Variants in COPB1 observed in about 807,000 individuals in gnomAD.
COPB1 encodes the protein coatomer subunit beta.
A neutral mutation model predicts 108.7 loss-of-function variants in COPB1; 21 were observed. The ratio of observed to expected loss-of-function variants is 0.19; its 90% CI spans 0.14 to 0.28. COPB1 has a LOEUF of 0.28. COPB1 is among the 10% of genes least tolerant of loss of function. The probability of loss-of-function intolerance (pLI) is 1.00; values close to 1 mark genes in which losing one functional copy is unlikely to be tolerated. For synonymous variants in COPB1, 378 were observed against 386.8 expected, an observed-to-expected ratio of 0.98 and a Z score of 0.27; for missense variants, 919 against 1,141.3, an observed-to-expected ratio of 0.81 and a Z score of 2.81.
Position 14,469,011 on chromosome 11 carries a change from C to T in COPB1, c.1966-151G>A, listed in dbSNP as rs893177385. 9.9e-6 allele frequency: 7 copies of T among 704,460 alleles called. No homozygotes were observed. The South Asian group carries it at 1.3e-4, about 13-fold the overall frequency. 43.6% of individuals were successfully genotyped at this position (704,460 alleles called of 1,614,324 possible). ...GCACTTTTCTTTTCTTTTTTTTCTT[C>T]CTGAGACAGGCTGTTACTCTGTTGC... On this transcript the variant is annotated intron_variant, in intron 15 of 21. Coordinates refer to ENST00000439561, the MANE Select transcript of COPB1 (RefSeq NM_001144061.2).
At position 14,458,512 on chromosome 11, in the gene COPB1, A is replaced by T. The variant is rs756898748; in HGVS notation, c.2802+20T>A. The T allele has an allele frequency of 6.6e-7, 1 of 1,521,386 alleles. No homozygotes were observed. The highest frequency in any genetic ancestry group is 1.3e-5 in the South Asian group (1 of 79,214). 94.2% of individuals were successfully genotyped at this position (1,521,386 alleles called of 1,614,324 possible). A position where few individuals can be genotyped will look rare whatever the true frequency, so the allele number is the denominator to read the frequency against. On this transcript the variant is annotated intron_variant, in intron 21 of 21. Transcript: ENST00000439561. ...CCTTTGTCAGTCCAGAGATACTCTC[A>T]AAAAAAAAGGAACTGTTACCTGGCT...
In COPB1 at chr11:14,490,670, T is replaced by C. The variant is rs1357212856; in HGVS notation, c.501A>G (p.Glu167=). ...GTTCAGGAGCATCAGGTATAAGATG[T>C]TCAAAATTTCTTTAAATAAAACAGG... ...LAIYTIYRNF[E]HLIPDAPELI... Residue 167 remains glutamate, a synonymous_variant, in exon 5 of 22, where the codon GAA becomes GAG. Coordinates refer to ENST00000439561, the MANE Select transcript of COPB1 (RefSeq NM_001144061.2). 6.3e-7 allele frequency: 1 copy of C among 1,592,924 alleles called. No individual in the cohort carries two copies. The highest frequency in any genetic ancestry group is 8.6e-7 in the Non-Finnish European group (1 of 1,168,784).
In COPB1 at chr11:14,464,919, C is replaced by T. The variant is rs1850247990; in HGVS notation, c.2402G>A (p.Gly801Asp). 1 of 1,612,682 alleles carries T rather than the reference C, an allele frequency of 6.2e-7. No individual in the cohort carries two copies. The highest frequency in any genetic ancestry group is 1.3e-5 in the African/African-American group (1 of 74,878). The change falls in exon 18 of 22, where the codon GGT becomes GAT. Residue 801 changes from glycine to aspartate, a missense_variant. Physicochemically the swap from Gly to Asp is moderately conservative, Grantham distance 94 (BLOSUM62 -1). Coordinates refer to ENST00000439561, the MANE Select transcript of COPB1 (RefSeq NM_001144061.2). ...ATAAAACAGCACCTTACCTATATTA[C>T]CAAAAATTATTCCATTTTCTGTTGA... ...VASTENGIIFGNIVYDVSGAA... is the reference protein window; with the variant it reads ...VASTENGIIFDNIVYDVSGAA...
chr11:14,463,778 TAAAC>T (rs1322855037), intron 18 of COPB1, among the ~76,000 whole-genome samples: 2 of 152,174 alleles, frequency 1.3e-5, no homozygotes, highest in Non-Finnish European at 2.9e-5. Context: ...GATGATGACA[TAAAC>T]AACCCAATAA....
At chr11:14,483,442 G>A (rs1197164778) in intron 7 of COPB1, among the ~76,000 whole-genome samples, 1 of 151,976 alleles carries the variant, frequency 6.6e-6, no homozygotes, top group East Asian at 1.9e-4. Flanking sequence ...CTTACTAACA[G>A]CCAAAATTTA....
At chr11:14,481,397 G>T (rs931410610) in intron 8 of COPB1, among the ~76,000 whole-genome samples, 9 of 152,168 alleles carry the variant, frequency 5.9e-5, no homozygotes, top group African/African-American at 2.2e-4. Context: ...AACAACGTAA[G>T]AAAGTAGCCA....
intron 19 of COPB1, among the ~76,000 whole-genome samples, chr11:14,460,793 C>A (rs966765929): frequency 3.3e-5 from 5 of 152,096 alleles, no homozygotes; most frequent in African/African-American, 1.2e-4. Context: ...CACGAGCTAC[C>A]GTGCCCAGCC....
chr11:14,477,208 C>G (rs1226865773), intron 11 of COPB1, among the ~76,000 whole-genome samples, 193 bp from the exon 12 acceptor site: 2 of 150,612 alleles, frequency 1.3e-5, no homozygotes, highest in Non-Finnish European at 3.0e-5. Flanking sequence ...ATGGTGAAAT[C>G]ACGTCTCTAC....
intron 14 of COPB1, among the ~76,000 whole-genome samples, chr11:14,471,778 C>T (rs1850408423): frequency 6.6e-6 from 1 of 152,050 alleles, no homozygotes; most frequent in South Asian, 2.1e-4. Flanking sequence ...AAAAATTAGA[C>T]AGGCGTGGTG....
chr11:14,493,817 ATAAAAATTAAAAT>A lies in COPB1; in HGVS notation c.322-19_322-7del. The A allele has an allele frequency of 6.5e-7, 1 of 1,548,702 alleles. No homozygotes were observed. Among genetic ancestry groups the A allele is most frequent in the Non-Finnish European group, 8.7e-7 (1 of 1,148,582 alleles). Reference sequence around the variant, plus strand: ...TCATTAGGATGTTGAAGATCCTGATATAAAAATTAAAATATGAAATGCTGAGTTTCAGCTTTTT... The same window carrying A: ...TCATTAGGATGTTGAAGATCCTGATAATGAAATGCTGAGTTTCAGCTTTTT... On this transcript the variant is annotated splice_region_variant and splice_polypyrimidine_tract_variant and intron_variant, in intron 3 of 21. Transcript: ENST00000439561.
At chr11:14,478,548 G>T (rs1008734676) in intron 11 of COPB1, among the ~76,000 whole-genome samples, 21 of 151,180 alleles carry the variant, frequency 1.4e-4, no homozygotes, top group African/African-American at 4.1e-4. Flanking sequence ...CTGAACAATG[G>T]ATACAGAAGA....
chr11:14,470,348 G>A (rs1850372977), intron 14 of COPB1, among the ~76,000 whole-genome samples: 1 of 152,080 alleles, frequency 6.6e-6, no homozygotes, highest in South Asian at 2.1e-4. Flanking sequence ...CTAAAGTTAG[G>A]CTGTCCAATT....
At chr11:14,459,250 ACTTAACTTG>A (rs979656777) in intron 20 of COPB1, among the ~76,000 whole-genome samples, 1 of 84,294 alleles carries the variant, frequency 1.2e-5, no homozygotes. Flanking sequence ...TATTCTGTTT[ACTTAACTTG>A]CTTGACTGCC....
Position 14,457,732 on chromosome 11 carries a change from C to A in COPB1, c.*92G>T. On this transcript the variant is annotated 3_prime_UTR_variant, in exon 22 of 22. Transcript: ENST00000439561. The stretch of plus-strand genomic sequence containing the variant: ...AAAGTATTCAGCATGAACTCAGATT[C>A]TATATAAGCATGAAAGAGTACAAAA... 2 of 800,542 alleles carry A rather than the reference C, an allele frequency of 2.5e-6. No individual in the cohort carries two copies. Among genetic ancestry groups the A allele is most frequent in the Non-Finnish European group, 4.3e-6 (2 of 462,404 alleles). 49.6% of individuals were successfully genotyped at this position (800,542 alleles called of 1,614,324 possible). A position where few individuals can be genotyped will look rare whatever the true frequency, so the allele number is the denominator to read the frequency against.
intron 2 of COPB1, among the ~76,000 whole-genome samples, chr11:14,498,098 C>T (rs746721576): frequency 6.6e-6 from 1 of 151,956 alleles, no homozygotes; most frequent in African/African-American, 2.4e-5. Flanking sequence ...GAGTTAGACC[C>T]GATATTTGAT....
At chr11:14,489,920 T>C (rs1482652481) in intron 5 of COPB1, among the ~76,000 whole-genome samples, 1 of 152,184 alleles carries the variant, frequency 6.6e-6, no homozygotes, top group Non-Finnish European at 1.5e-5. Context: ...GGACAATCCA[T>C]TAAAGGAAGA....
chr11:14,483,743 C>T (rs1446475863), intron 7 of COPB1, among the ~76,000 whole-genome samples: 1 of 151,960 alleles, frequency 6.6e-6, no homozygotes, highest in Non-Finnish European at 1.5e-5. Context: ...AAAGAACAGC[C>T]CTTCCTTGCA....
Position 14,476,948 on chromosome 11 carries a change from T to A in COPB1, c.1426A>T (p.Met476Leu). 2 of 1,611,962 alleles carry A rather than the reference T, an allele frequency of 1.2e-6. No homozygotes were observed. The highest frequency in any genetic ancestry group is 1.7e-6 in the Non-Finnish European group (2 of 1,178,054). The change falls in exon 12 of 22, where the codon ATG (methionine) becomes TTG (leucine). Residue 476 changes from methionine (M) to leucine (L), a missense_variant. Transcript: ENST00000439561. The part of the protein sequence containing the change: ...CSTKEDIQSV[M>L]TEIRRSLGEI... The stretch of plus-strand genomic sequence containing the variant: ...CCAAGGGACCTGCGGATCTCAGTCA[T>A]CACACTCTGAATGTCTTCCTTGGTA...
chr11:14,472,845 T>A (rs146455715), intron 14 of COPB1, among the ~76,000 whole-genome samples: 1 of 152,228 alleles, frequency 6.6e-6, no homozygotes, highest in African/African-American at 2.4e-5. Flanking sequence ...TCAGCCTTCA[T>A]GGAATTGAAG....
Sources: allele counts gnomAD v4.1 joint callset (sites outside exome capture counted in the v4.1 genomes callset), GRCh38; gene constraint gnomAD v4.1.1; transcripts MANE v1.5; gene names NCBI Gene and HGNC (gene_info 2026-07-23, HGNC 2026-07-21).